The following ADGRV1 variants were observed in gnomAD, a reference collection of about 807,000 sequenced individuals.
ADGRV1 encodes the protein adhesion G protein-coupled receptor V1.
In ADGRV1, 359 loss-of-function variants were observed where a neutral mutation model predicts 596.2. The ratio of observed to expected loss-of-function variants is 0.60; its 90% CI spans 0.55 to 0.66. ADGRV1 has a LOEUF of 0.66. Among genes scored for constraint, ADGRV1 ranks in the 30% least tolerant of loss-of-function variants. The pLI is 0.00. For synonymous variants in ADGRV1, 2,681 were observed against 2,679.2 expected, an observed-to-expected ratio of 1.00 and a Z score of -0.02; for missense variants, 7,274 against 7,575.6, an observed-to-expected ratio of 0.96 and a Z score of 1.48.
In ADGRV1 at chr5:90,853,472, C is replaced by T; in HGVS notation, c.17393C>T (p.Thr5798Ile). 6.2e-7 allele frequency: 1 copy of T among 1,612,988 alleles called. No individual in the cohort carries two copies. Among genetic ancestry groups the T allele is most frequent in the Non-Finnish European group, 8.5e-7 (1 of 1,179,298 alleles). The change falls in exon 80 of 90, where the codon ACA becomes ATA. Residue 5798 changes from threonine to isoleucine, a missense_variant. Coordinates refer to ENST00000405460, the MANE Select transcript of ADGRV1 (RefSeq NM_032119.4). ...GKSTCKLVQF[T>I]EYSSQQWFIS... ...AGTACATGTAAATTAGTCCAGTTTA[C>T]AGAGTATAGCAGCCAACAGTGGTTT...
At chr5:90,766,527 GA>G (rs967698964) in intron 59 of ADGRV1, among the ~76,000 whole-genome samples, 7 of 151,472 alleles carry the variant, frequency 4.6e-5, no homozygotes, top group African/African-American at 1.2e-4. Context: ...TGTACACTTT[GA>G]AAAAAAATTA....
chr5:90,679,593 G>A lies in ADGRV1; in HGVS notation c.5488G>A (p.Asp1830Asn), dbSNP rs1285529145. 3.7e-6 allele frequency: 6 copies of A among 1,613,670 alleles called. No homozygotes were observed. Among genetic ancestry groups the A allele is most frequent in the Non-Finnish European group, 5.1e-6 (6 of 1,179,718 alleles). ...TGATGGAAGTGGTAGTGGTGATGGG[G>A]ACATGGAATTCTTCCTTCCAACTAT... ...RVDGSGSGDG[D>N]MEFFLPTIHK... Residue 1830 changes from aspartate to asparagine, a missense_variant, in exon 26 of 90, where the codon GAC (aspartate) becomes AAC (asparagine). This residue lies in a region of ADGRV1 where 3,643 missense variants were observed against 3,809.2 expected (regional missense o/e 0.96). Coordinates refer to ENST00000405460, the MANE Select transcript of ADGRV1 (RefSeq NM_032119.4).
intron 59 of ADGRV1, among the ~76,000 whole-genome samples, chr5:90,772,628 A>G (rs548431609): frequency 6.6e-6 from 1 of 152,322 alleles, no homozygotes; most frequent in South Asian, 2.1e-4. Flanking sequence ...AATTACCACA[A>G]AAGTGCTCAA....
chr5:90,951,850 A>C (rs1269577337), intron 83 of ADGRV1, among the ~76,000 whole-genome samples: 5 of 152,184 alleles, frequency 3.3e-5, no homozygotes, highest in Non-Finnish European at 5.9e-5. Flanking sequence ...GATTCATGAA[A>C]TCCAAGTTAT....
At chr5:90,753,374 ATG>A (rs1203952183) in intron 53 of ADGRV1, among the ~76,000 whole-genome samples, 198 bp from the exon 54 acceptor site, 29 of 152,070 alleles carry the variant, frequency 1.9e-4, no homozygotes, top group Admixed American at 1.9e-3. Context: ...AAGTTTATAA[ATG>A]GTTTGCTCTT....
chr5:91,079,009 A>G (rs1268893564), intron 86 of ADGRV1, among the ~76,000 whole-genome samples: 4 of 152,198 alleles, frequency 2.6e-5, no homozygotes, highest in Non-Finnish European at 5.9e-5. Flanking sequence ...ATAAATAAAA[A>G]TGGGAAAACA....
chr5:91,058,993 A>G lies in ADGRV1; in HGVS notation c.18153-13454A>G, dbSNP rs559068881. 2.6e-5 allele frequency among the ~76,000 whole-genome samples: 4 copies of G among 152,308 alleles called. No homozygotes were observed. In the South Asian group the frequency reaches 6.2e-4, roughly 24 times the overall value. On this transcript the variant is annotated intron_variant, in intron 85 of 89. Coordinates refer to ENST00000405460, the MANE Select transcript of ADGRV1 (RefSeq NM_032119.4). ...ACTGCACAGCACTTTTCTCTGACAC[A>G]TAAATAAATGTGATGAATGTTCACA...
chr5:90,925,295 C>A (rs549183872), intron 83 of ADGRV1, among the ~76,000 whole-genome samples: 147 of 150,560 alleles, frequency 9.8e-4, no homozygotes, highest in Middle Eastern at 3.4e-3. Context: ...TTTGTATCCT[C>A]TTTTATTTCC....
In ADGRV1 at chr5:90,765,624, T is replaced by A. The variant is rs553158535; in HGVS notation, c.12285+2155T>A. On this transcript the variant is annotated intron_variant, in intron 59 of 89. Coordinates refer to ENST00000405460, the MANE Select transcript of ADGRV1 (RefSeq NM_032119.4). Reference sequence around the variant, plus strand: ...CATCACCTTAAATATTTTTTCTTTATGGTAGGAACAGTCTAATTATTCTGC... The same window carrying A: ...CATCACCTTAAATATTTTTTCTTTAAGGTAGGAACAGTCTAATTATTCTGC... Among the ~76,000 whole-genome samples the A allele has an allele frequency of 5.9e-5, 9 of 152,280 alleles. No individual in the cohort carries two copies. The South Asian group carries it at 1.9e-3, about 32-fold the overall frequency.
At chr5:90,675,090 T>A (rs1382672209) in intron 23 of ADGRV1, among the ~76,000 whole-genome samples, 153 bp from the exon 24 acceptor site, 1 of 152,228 alleles carries the variant, frequency 6.6e-6, no homozygotes, top group African/African-American at 2.4e-5. Context: ...ATCAAAAGCA[T>A]GTTAGTTAAA....
intron 83 of ADGRV1, among the ~76,000 whole-genome samples, chr5:90,893,030 A>G (rs1770968066): frequency 6.6e-6 from 1 of 152,186 alleles, no homozygotes; most frequent in Non-Finnish European, 1.5e-5. Context: ...AACAACAATC[A>G]TTTATTATGT....
At chr5:91,147,927 C>G (rs764465463) in intron 87 of ADGRV1, among the ~76,000 whole-genome samples, 3 of 152,098 alleles carry the variant, frequency 2.0e-5, no homozygotes, top group Non-Finnish European at 4.4e-5. Flanking sequence ...ACAATGAAAT[C>G]CAGGCAGAAG....
chr5:90,910,825 T>G (rs944712012), intron 83 of ADGRV1, among the ~76,000 whole-genome samples: 1 of 152,138 alleles, frequency 6.6e-6, no homozygotes, highest in African/African-American at 2.4e-5. Flanking sequence ...TGAAAATTAC[T>G]TCTTAGATGC....
intron 15 of ADGRV1, among the ~76,000 whole-genome samples, chr5:90,645,304 G>A (rs969017676): frequency 7.2e-5 from 11 of 152,188 alleles, no homozygotes; most frequent in African/African-American, 2.7e-4. Flanking sequence ...ACCTTTCCTA[G>A]GAGAGTGACA....
intron 1 of ADGRV1, among the ~76,000 whole-genome samples, chr5:90,576,783 C>T (rs972603715): frequency 6.6e-6 from 1 of 152,092 alleles, no homozygotes; most frequent in Non-Finnish European, 1.5e-5. Context: ...GCATCTGTTT[C>T]CTGACTTATT....
At chr5:90,646,529 T>C (rs1421757819) in intron 16 of ADGRV1, among the ~76,000 whole-genome samples, 2 of 152,124 alleles carry the variant, frequency 1.3e-5, no homozygotes, top group African/African-American at 4.8e-5. Context: ...GGCCATACAC[T>C]ATAATAACTA....
intron 50 of ADGRV1, among the ~76,000 whole-genome samples, chr5:90,733,780 T>C (rs977838636): frequency 6.6e-6 from 1 of 152,240 alleles, no homozygotes; most frequent in South Asian, 2.1e-4. Flanking sequence ...CTTAACATTT[T>C]TGTGATGATA....
chr5:90,985,582 C>A, intron 85 of ADGRV1, 60 bp downstream of exon 85: 4 of 1,304,694 alleles, frequency 3.1e-6, no homozygotes, highest in Non-Finnish European at 4.4e-6. Flanking sequence ...GATTTCGTTG[C>A]CATAAGAGCT....
intron 87 of ADGRV1, among the ~76,000 whole-genome samples, chr5:91,120,773 G>A (rs1793242482): frequency 1.3e-5 from 2 of 152,184 alleles, no homozygotes; most frequent in South Asian, 4.1e-4. Context: ...GAGGCAAAAA[G>A]TCACTCATTC....
Sources: allele counts gnomAD v4.1 joint callset (sites outside exome capture counted in the v4.1 genomes callset), GRCh38; gene constraint gnomAD v4.1.1; regional missense constraint gnomAD v4.1.1; transcripts MANE v1.5; gene names NCBI Gene and HGNC (gene_info 2026-07-23, HGNC 2026-07-21).